STON1: variants seen among roughly 807,000 people sequenced by gnomAD.
STON1 encodes the protein stonin-1.
A neutral mutation model predicts 60.9 loss-of-function variants in STON1; 79 were observed. The ratio of observed to expected loss-of-function variants is 1.30; its 90% CI spans 1.08 to 1.56. STON1 has a LOEUF of 1.56. STON1 is among the 40% of genes most tolerant of loss of function. The pLI, the probability that STON1 is intolerant of heterozygous loss-of-function variation, is 0.00. For synonymous variants in STON1, 363 were observed against 306.9 expected (o/e 1.18, Z -1.91); for missense variants, 1,166 against 858.9 (o/e 1.36, Z -4.47).
intron 1 of STON1, among the ~76,000 whole-genome samples, chr2:48,539,399 C>G (rs1303029225): frequency 6.6e-6 from 1 of 152,104 alleles, no homozygotes; most frequent in African/African-American, 2.4e-5. Context: ...GCCTAGCTTA[C>G]TTTTTGTTTT....
intron 1 of STON1, among the ~76,000 whole-genome samples, chr2:48,536,716 T>A (rs1671448210): frequency 6.6e-6 from 1 of 152,158 alleles, no homozygotes; most frequent in South Asian, 2.1e-4. Flanking sequence ...ACACAGAAAA[T>A]CCTGTTGAGA....
intron 1 of STON1, among the ~76,000 whole-genome samples, chr2:48,535,173 G>A (rs766013774): frequency 3.6e-4 from 54 of 152,006 alleles, no homozygotes; most frequent in Non-Finnish European, 6.9e-4. Context: ...AGGCTCAAAT[G>A]TACCTGTGTG....
chr2:48,581,333 G>C lies in STON1; in HGVS notation c.700G>C (p.Glu234Gln). 2 of 1,537,850 alleles carry C rather than the reference G, an allele frequency of 1.3e-6. No individual in the cohort carries two copies. Among genetic ancestry groups the C allele is most frequent in the Non-Finnish European group, 8.7e-7 (1 of 1,145,682 alleles). ...CSLNYICEKL[E>Q]HLQSAENQDS... ...ACTCAACTATATCTGTGAGAAGCTT[G>C]AACATCTCCAGTCAGCTGAGAACCA... The change falls in exon 2 of 4, where the codon GAA (glutamate) becomes CAA (glutamine). Residue 234 changes from glutamate to glutamine, a missense_variant. Physicochemically the swap from Glu to Gln is conservative, Grantham distance 29 (BLOSUM62 2). Coordinates refer to ENST00000404752, the MANE Select transcript of STON1 (RefSeq NM_006873.4).
rs546212555 is a variant in STON1, at chr2:48,554,573, C to G, written c.-48+24357C>G. ...AGTTGGGAGGAAAGAGGTTAGCCTG[C>G]CAGGGGCTCAAGCACCCAAGGTTGA... On this transcript the variant is annotated intron_variant, in intron 1 of 3. Coordinates refer to ENST00000404752, the MANE Select transcript of STON1 (RefSeq NM_006873.4). Among the ~76,000 whole-genome samples, 158 of 152,200 alleles carry G rather than the reference C, an allele frequency of 1.0e-3. 1 individual carries two copies. Among genetic ancestry groups the G allele is most frequent in the African/African-American group, 3.7e-3 (152 of 41,526 alleles).
intron 1 of STON1, among the ~76,000 whole-genome samples, chr2:48,562,335 C>A (rs1454783698): frequency 1.3e-5 from 2 of 152,144 alleles, no homozygotes; most frequent in African/African-American, 4.8e-5. Flanking sequence ...CAGAGTTGTT[C>A]AGAAACCTCA....
chr2:48,530,332 C>G (rs565270784), intron 1 of STON1, 116 bp downstream of exon 1: 27 of 286,184 alleles, frequency 9.4e-5, no homozygotes, highest in African/African-American at 5.9e-4. Context: ...CGGGCATCTC[C>G]AGGGCCGCTC....
At chr2:48,587,262 T>C (rs1674262630) in intron 2 of STON1, among the ~76,000 whole-genome samples, 1 of 151,968 alleles carries the variant, frequency 6.6e-6, no homozygotes, top group African/African-American at 2.4e-5. Context: ...CTTCCAGACC[T>C]CTGTTATTGC....
At chr2:48,564,483 CTT>C (rs1672790947) in intron 1 of STON1, among the ~76,000 whole-genome samples, 5 of 26,404 alleles carry the variant, frequency 1.9e-4, no homozygotes, top group Admixed American at 6.8e-4. Flanking sequence ...CTTCTTCTTT[CTT>C]CTTCTTCTTC....
intron 1 of STON1, among the ~76,000 whole-genome samples, chr2:48,549,901 T>A (rs1481324430): frequency 7.2e-6 from 1 of 138,516 alleles, no homozygotes; most frequent in East Asian, 2.4e-4. Flanking sequence ...GGTGGGGTGG[T>A]GGGACCGACT....
At chr2:48,560,281 C>T (rs145191854) in intron 1 of STON1, among the ~76,000 whole-genome samples, 18 of 152,308 alleles carry the variant, frequency 1.2e-4, no homozygotes, top group South Asian at 1.0e-3. Context: ...CTGAGCCAAA[C>T]GCTCTTCAGC....
At chr2:48,580,442 C>G in intron 1 of STON1, 145 bp from the exon 2 acceptor site, 1 of 807,306 alleles carries the variant, frequency 1.2e-6, no homozygotes, top group South Asian at 6.6e-5. Flanking sequence ...AGACAGCATA[C>G]AGTTGGATCA....
intron 2 of STON1, among the ~76,000 whole-genome samples, chr2:48,584,320 C>T (rs911619441): frequency 6.6e-6 from 1 of 151,882 alleles, no homozygotes; most frequent in Non-Finnish European, 1.5e-5. Context: ...GTTGCTCAGG[C>T]TGGAGTGCAG....
At chr2:48,577,156 C>T (rs1673561092) in intron 1 of STON1, among the ~76,000 whole-genome samples, 1 of 151,994 alleles carries the variant, frequency 6.6e-6, no homozygotes, top group Non-Finnish European at 1.5e-5. Flanking sequence ...CTTTGCTGTG[C>T]AGAAACTTTT....
rs1399716545 is a variant in STON1 at position 48,581,914 on chromosome 2, C to T, written c.1281C>T (p.Val427=). The change falls in exon 2 of 4, where the codon GTC becomes GTT. Residue 427 remains valine (V), a synonymous_variant. Transcript: ENST00000404752. ...LEIVDNFWGK[V]TKEGKFVESA... ...TTGTGGACAACTTTTGGGGTAAAGT[C>T]ACAAAAGAAGGAAAATTTGTTGAAA... 1.2e-6 allele frequency: 2 copies of T among 1,613,952 alleles called. No homozygotes were observed. Among genetic ancestry groups the T allele is most frequent in the African/African-American group, 1.3e-5 (1 of 74,992 alleles).
rs748039478 is a variant in STON1 at position 48,581,207 on chromosome 2, A to C, written c.574A>C (p.Ser192Arg). 7 of 1,524,294 alleles carry C rather than the reference A, an allele frequency of 4.6e-6. No individual in the cohort carries two copies. In the Admixed American group the frequency reaches 1.6e-4, roughly 34 times the overall value. 94.4% of individuals were successfully genotyped at this position (1,524,294 alleles called of 1,614,324 possible). A position where few individuals can be genotyped will look rare whatever the true frequency, so the allele number is the denominator to read the frequency against. ...FSSPFWKDEG[S>R]DSHFTLDPPG... ...AAGTCCATTTTGGAAAGATGAAGGC[A>C]GTGATTCCCATTTCACCCTTGACCC... Residue 192 changes from serine to arginine, a missense_variant, in exon 2 of 4, where the codon AGT (serine) becomes CGT (arginine). By Grantham distance (110) the Ser-to-Arg change is moderately radical (BLOSUM62 -1). Coordinates refer to ENST00000404752, the MANE Select transcript of STON1 (RefSeq NM_006873.4).
Position 48,554,982 on chromosome 2 carries a change from C to T in STON1, c.-48+24766C>T, listed in dbSNP as rs1387406683. Among the ~76,000 whole-genome samples the T allele has an allele frequency of 5.3e-5, 3 of 56,930 alleles. 1 individual carries two copies. Among genetic ancestry groups the T allele is most frequent in the Admixed American group, 1.8e-4 (1 of 5,664 alleles). 37.3% of individuals were successfully genotyped at this position (56,930 alleles called of 152,430 possible). A position where few individuals can be genotyped will look rare whatever the true frequency, so the allele number is the denominator to read the frequency against. The stretch of plus-strand genomic sequence containing the variant: ...GTTTAACAAAGCACATCTTGCACCG[C>T]CCTTAATCCATTTAACCCTGAGTGG... On this transcript the variant is annotated intron_variant, in intron 1 of 3. Coordinates refer to ENST00000404752, the MANE Select transcript of STON1 (RefSeq NM_006873.4).
At chr2:48,561,526 C>G (rs1558599736) in intron 1 of STON1, among the ~76,000 whole-genome samples, 1 of 152,174 alleles carries the variant, frequency 6.6e-6, no homozygotes, top group Non-Finnish European at 1.5e-5. Flanking sequence ...CAGACACATA[C>G]AGAAGGGTGG....
intron 1 of STON1, among the ~76,000 whole-genome samples, chr2:48,564,735 T>TTTC (rs1672859178): frequency 7.3e-6 from 1 of 136,606 alleles, no homozygotes; most frequent in Non-Finnish European, 1.6e-5. Context: ...CTTTCTTTCT[T>TTTC]TTTTTTTTTT....
At chr2:48,540,147 C>CT (rs2103751308) in intron 1 of STON1, among the ~76,000 whole-genome samples, 1 of 152,234 alleles carries the variant, frequency 6.6e-6, no homozygotes, top group South Asian at 2.1e-4. Context: ...GAGATTTCTA[C>CT]TTTATCTAGG....
Sources: allele counts gnomAD v4.1 joint callset (sites outside exome capture counted in the v4.1 genomes callset), GRCh38; gene constraint gnomAD v4.1.1; transcripts MANE v1.5; gene names NCBI Gene and HGNC (gene_info 2026-07-23, HGNC 2026-07-21).